MDH2: variants seen among roughly 807,000 people sequenced by gnomAD.
The protein encoded by MDH2 is malate dehydrogenase 2, also known as malate dehydrogenase, mitochondrial.
A neutral mutation model predicts 33.6 loss-of-function variants in MDH2; 25 were observed. The observed-to-expected ratio is 0.74, with a 90% CI of 0.54 to 1.04. The LOEUF (loss-of-function observed/expected upper bound fraction) is 1.04. MDH2 is among the 50% of genes least tolerant of loss of function. The pLI is 0.00. For synonymous variants in MDH2, 193 were observed against 188.7 expected, an observed-to-expected ratio of 1.02 and a Z score of -0.19; for missense variants, 432 against 445.0, an observed-to-expected ratio of 0.97 and a Z score of 0.26.
rs1554587854 is a variant in MDH2 at position 76,066,263 on chromosome 7, T to C, written c.886-16T>C. On this transcript the variant is annotated splice_polypyrimidine_tract_variant and intron_variant, in intron 8 of 8. Coordinates refer to ENST00000315758, the MANE Select transcript of MDH2 (RefSeq NM_005918.4). ...TTCCTGGAAACTTCATTTTAACATGTTCCCATCTCCCTCAGAAAAAGGGCA... is the reference window on the plus strand; with the variant it reads ...TTCCTGGAAACTTCATTTTAACATGCTCCCATCTCCCTCAGAAAAAGGGCA... 3 of 1,602,898 alleles carry C rather than the reference T, an allele frequency of 1.9e-6. No homozygotes were observed. The highest frequency in any genetic ancestry group is 3.5e-5 in the Admixed American group (2 of 57,882).
intron 5 of MDH2, among the ~76,000 whole-genome samples, chr7:76,061,125 CT>C (rs1352135103): frequency 6.6e-6 from 1 of 152,130 alleles, no homozygotes; most frequent in Admixed American, 6.5e-5. Context: ...GTCCTTAGTG[CT>C]TTGCACAGCC....
At position 76,062,416 on chromosome 7, in the gene MDH2, A is replaced by G. The variant is rs529254875; in HGVS notation, c.556-1099A>G. 5.3e-5 allele frequency among the ~76,000 whole-genome samples: 8 copies of G among 152,286 alleles called. No homozygotes were observed. In the South Asian group the frequency reaches 1.7e-3, roughly 32 times the overall value. ...AGTGCCCGCACGTGTGTGCTTATAC[A>G]CCACCAAGCTAAGCCTCTCGGATCT... On this transcript the variant is annotated intron_variant, in intron 5 of 8. Coordinates refer to ENST00000315758, the MANE Select transcript of MDH2 (RefSeq NM_005918.4).
At chr7:76,059,531 A>G (rs1797882573) in intron 4 of MDH2, among the ~76,000 whole-genome samples, 1 of 152,208 alleles carries the variant, frequency 6.6e-6, no homozygotes, top group Admixed American at 6.5e-5. Flanking sequence ...GAGGGCGGCC[A>G]TGGTTCCCCA....
At chr7:76,053,227 A>T (rs1261703525) in intron 1 of MDH2, among the ~76,000 whole-genome samples, 2 of 152,198 alleles carry the variant, frequency 1.3e-5, no homozygotes, top group African/African-American at 4.8e-5. Flanking sequence ...CACAAGTGCC[A>T]TTTGGGACCA....
intron 1 of MDH2, among the ~76,000 whole-genome samples, chr7:76,051,002 C>A (rs1216166107): frequency 6.6e-6 from 1 of 152,130 alleles, no homozygotes; most frequent in Non-Finnish European, 1.5e-5. Context: ...TCACCTCAGC[C>A]TCCTGAGTAG....
chr7:76,053,606 A>G (rs1797683199), intron 1 of MDH2, among the ~76,000 whole-genome samples: 1 of 152,130 alleles, frequency 6.6e-6, no homozygotes, highest in African/African-American at 2.4e-5. Context: ...TTGGTTTCTG[A>G]TAACCAAAGC....
chr7:76,058,412 T>G (rs1170114799), intron 4 of MDH2, among the ~76,000 whole-genome samples: 1 of 152,180 alleles, frequency 6.6e-6, no homozygotes, highest in Non-Finnish European at 1.5e-5. Context: ...GGTCTCTTGA[T>G]TCCCTTTTTG....
intron 1 of MDH2, chr7:76,054,448 C>T (rs965416412): frequency 3.7e-6 from 1 of 268,690 alleles, no homozygotes; most frequent in Non-Finnish European, 7.1e-6. Context: ...CAGGGATCTT[C>T]CTGCAACCTC....
chr7:76,062,883 G>A (rs1255192000), intron 5 of MDH2, among the ~76,000 whole-genome samples: 2 of 152,188 alleles, frequency 1.3e-5, no homozygotes, highest in Admixed American at 6.6e-5. Context: ...CAGCCTGGGG[G>A]ATAGAGACCC....
At chr7:76,048,626 G>C in intron 1 of MDH2, 2 of 1,272,706 alleles carry the variant, frequency 1.6e-6, no homozygotes, top group Middle Eastern at 3.0e-4. Context: ...CGTGTGAGTT[G>C]TGCGTGAATA....
intron 5 of MDH2, among the ~76,000 whole-genome samples, chr7:76,061,641 T>C (rs1797952618): frequency 1.3e-5 from 2 of 149,812 alleles, no homozygotes; most frequent in South Asian, 4.2e-4. Flanking sequence ...CCCTGTCTCT[T>C]TAAAAAAAAA....
chr7:76,058,277 C>T (rs1797846455), intron 4 of MDH2, 199 bp downstream of exon 4: 2 of 573,336 alleles, frequency 3.5e-6, no homozygotes, highest in Non-Finnish European at 6.3e-6. Flanking sequence ...CTCCTTCCAG[C>T]ATGAACTGAA....
rs372862264 is a variant in MDH2 at position 76,064,960 on chromosome 7, A to G, written c.885+7A>G. On this transcript the variant is annotated splice_region_variant and intron_variant, in intron 8 of 8. Transcript: ENST00000315758. ...CACACCGCTGCTGCTTGGGGTACGT[A>G]TCCAGGCGTGGGTCCTTCTGACTGT... 6.8e-6 allele frequency: 11 copies of G among 1,613,940 alleles called. No homozygotes were observed. The highest frequency in any genetic ancestry group is 1.6e-4 in the Middle Eastern group (1 of 6,084).
At position 76,066,647 on chromosome 7, in the gene MDH2, A is replaced by T; in HGVS notation, c.*237A>T. 1 of 411,462 alleles carries T rather than the reference A, an allele frequency of 2.4e-6. No individual in the cohort carries two copies. Among genetic ancestry groups the T allele is most frequent in the Admixed American group, 4.2e-5 (1 of 23,952 alleles). 25.5% of individuals were successfully genotyped at this position (411,462 alleles called of 1,614,324 possible). ...TTTCTTCCCTGTGAGAGCCAACTTT[A>T]GAGTGTCTGCTACCTCTTCATTACC... On this transcript the variant is annotated 3_prime_UTR_variant, in exon 9 of 9. Coordinates refer to ENST00000315758, the MANE Select transcript of MDH2 (RefSeq NM_005918.4).
chr7:76,065,032 G>C (rs1347313936), intron 8 of MDH2, 79 bp downstream of exon 8: 3 of 1,530,882 alleles, frequency 2.0e-6, no homozygotes, highest in Non-Finnish European at 2.7e-6. Flanking sequence ...AGCTCTCCCT[G>C]GCCCTTTATG....
chr7:76,064,374 G>C lies in MDH2; in HGVS notation c.669G>C (p.Leu223=). ...TPKVDFPQDQ[L]TALTGRIQEA... ...AGGTGGACTTTCCCCAGGACCAGCTGACAGCACTCACTGGGCGGATCCAGG... is the reference window on the plus strand; with the variant it reads ...AGGTGGACTTTCCCCAGGACCAGCTCACAGCACTCACTGGGCGGATCCAGG... Residue 223 remains leucine (L), a synonymous_variant, in exon 7 of 9, where the codon CTG becomes CTC. Coordinates refer to ENST00000315758, the MANE Select transcript of MDH2 (RefSeq NM_005918.4). The C allele has an allele frequency of 6.2e-7, 1 of 1,613,600 alleles. No homozygotes were observed. The highest frequency in any genetic ancestry group is 8.5e-7 in the Non-Finnish European group (1 of 1,179,896).
At chr7:76,049,746 C>T (rs1350322688) in intron 1 of MDH2, among the ~76,000 whole-genome samples, 2 of 152,146 alleles carry the variant, frequency 1.3e-5, no homozygotes, top group African/African-American at 4.8e-5. Flanking sequence ...CTTATTGCCC[C>T]ACTCATTATA....
chr7:76,062,281 G>A (rs782195079), intron 5 of MDH2, among the ~76,000 whole-genome samples: 2 of 152,138 alleles, frequency 1.3e-5, no homozygotes, highest in African/African-American at 2.4e-5. Context: ...CTTGTCCCCC[G>A]TCTTAGCATG....
chr7:76,066,560 G>A lies in MDH2; in HGVS notation c.*150G>A. On this transcript the variant is annotated 3_prime_UTR_variant, in exon 9 of 9. Coordinates refer to ENST00000315758, the MANE Select transcript of MDH2 (RefSeq NM_005918.4). ...CTTCCAAATTGTGGGTGGCTCTGTG[G>A]GCGCATCAATAAAAGCCGTCCTTGA... 1 of 939,978 alleles carries A rather than the reference G, an allele frequency of 1.1e-6. No homozygotes were observed. The highest frequency in any genetic ancestry group is 1.5e-6 in the Non-Finnish European group (1 of 683,166). The allele number at this position is 939,978 out of a possible 1,614,324, so 58.2% of individuals were successfully genotyped here. A position where few individuals can be genotyped will look rare whatever the true frequency, so the allele number is the denominator to read the frequency against.
Sources: allele counts gnomAD v4.1 joint callset (sites outside exome capture counted in the v4.1 genomes callset), GRCh38; gene constraint gnomAD v4.1.1; transcripts MANE v1.5; gene names NCBI Gene and HGNC (gene_info 2026-07-23, HGNC 2026-07-21).